Variants in MINDY2 observed in about 807,000 individuals in gnomAD.
The protein encoded by MINDY2 is ubiquitin carboxyl-terminal hydrolase MINDY-2.
Under a neutral mutation model 68.2 loss-of-function variants are expected in MINDY2, and 52 were observed. The observed-to-expected ratio is 0.76, with a 90% CI of 0.61 to 0.96. The LOEUF is 0.96. MINDY2 is among the 40% of genes least tolerant of loss of function. The pLI, the probability that MINDY2 is intolerant of heterozygous loss-of-function variation, is 0.00. For missense variants in MINDY2, 881 were observed against 773.4 expected, an observed-to-expected ratio of 1.14 and a Z score of -1.65; for synonymous variants, 372 against 303.0, an observed-to-expected ratio of 1.23 and a Z score of -2.36.
chr15:58,830,598 T>A (rs2031657102), intron 5 of MINDY2, among the ~76,000 whole-genome samples: 1 of 152,212 alleles, frequency 6.6e-6, no homozygotes, highest in African/African-American at 2.4e-5. Flanking sequence ...GTATAACTCA[T>A]GCCTGAACGA....
At chr15:58,806,152 C>T (rs1402693199) in intron 3 of MINDY2, among the ~76,000 whole-genome samples, 1 of 152,166 alleles carries the variant, frequency 6.6e-6, no homozygotes, top group African/African-American at 2.4e-5. Context: ...CAGCTCAGTA[C>T]AACTTCCGCC....
chr15:58,772,279 G>A, intron 1 of MINDY2, 44 bp downstream of exon 1: 1 of 1,600,488 alleles, frequency 6.2e-7, no homozygotes, highest in Non-Finnish European at 8.5e-7. Context: ...TTGGGGTGGA[G>A]GAAAACGGGG....
intron 5 of MINDY2, among the ~76,000 whole-genome samples, chr15:58,825,380 C>T (rs1204654663): frequency 6.6e-6 from 1 of 152,092 alleles, no homozygotes; most frequent in Non-Finnish European, 1.5e-5. Context: ...GGTGTCGATA[C>T]CTTTTTTATT....
At chr15:58,793,755 C>G (rs1219689524) in intron 2 of MINDY2, among the ~76,000 whole-genome samples, 1 of 152,182 alleles carries the variant, frequency 6.6e-6, no homozygotes, top group African/African-American at 2.4e-5. Context: ...TGCAGCGCGT[C>G]TCTTGAGTGC....
chr15:58,854,342 A>G (rs1435921350), intron 8 of MINDY2, 140 bp from the exon 9 acceptor site: 3 of 789,698 alleles, frequency 3.8e-6, no homozygotes, highest in Admixed American at 3.0e-5. Context: ...ACCATGTAAT[A>G]TAACAAATCT....
At chr15:58,814,574 T>A (rs1262430234) in intron 4 of MINDY2, among the ~76,000 whole-genome samples, 1 of 151,130 alleles carries the variant, frequency 6.6e-6, no homozygotes, top group Non-Finnish European at 1.5e-5. Flanking sequence ...AAATGAGATC[T>A]CGCCATATTG....
At chr15:58,847,175 A>T (rs1452858044) in intron 6 of MINDY2, 122 bp from the exon 7 acceptor site, 1 of 721,164 alleles carries the variant, frequency 1.4e-6, no homozygotes, top group Non-Finnish European at 2.1e-6. Flanking sequence ...TGTTGTACAG[A>T]TCTAAACAGT....
rs747614507 is a variant in MINDY2 at position 58,831,851 on chromosome 15, G to C, written c.1303G>C (p.Val435Leu). 13 of 1,613,528 alleles carry C rather than the reference G, an allele frequency of 8.1e-6. No individual in the cohort carries two copies. The African/African-American group carries it at 1.7e-4, about 22-fold the overall frequency. ...YHGLCELTSTVQEGELCVFFR... is the reference protein window; with the variant it reads ...YHGLCELTSTLQEGELCVFFR... ...TGGATTATGTGAACTAACTTCAACG[G>C]TTCAGGAAGGAGAACTTTGTGTGTT... Residue 435 changes from valine (V) to leucine (L), a missense_variant, in exon 6 of 9, where the codon GTT becomes CTT. Physicochemically the swap from Val to Leu is conservative, Grantham distance 32 (BLOSUM62 1). Transcript: ENST00000559228.
In MINDY2 at chr15:58,855,521, A is replaced by G. The variant is rs2033030344; in HGVS notation, c.*911A>G. 1 of 152,672 alleles carries G rather than the reference A, an allele frequency of 6.5e-6. No individual in the cohort carries two copies. The highest frequency in any genetic ancestry group is 1.5e-5 in the Non-Finnish European group (1 of 68,046). The allele number at this position is 152,672 out of a possible 1,614,324, so 9.5% of individuals were successfully genotyped here. On this transcript the variant is annotated 3_prime_UTR_variant, in exon 9 of 9. Coordinates refer to ENST00000559228, the MANE Select transcript of MINDY2 (RefSeq NM_001040450.3). ...TACCTTGAACCTTAAATTTTAAGTCATGTTCATTGCTAGAAAATTAAATGT... is the reference window on the plus strand; with the variant it reads ...TACCTTGAACCTTAAATTTTAAGTCGTGTTCATTGCTAGAAAATTAAATGT...
chr15:58,823,528 T>A (rs1383827643), intron 5 of MINDY2, among the ~76,000 whole-genome samples: 1 of 151,832 alleles, frequency 6.6e-6, no homozygotes, highest in East Asian at 1.9e-4. Flanking sequence ...AAATAAAAAA[T>A]TAGCCAGGCA....
chr15:58,837,539 C>CA (rs59471550), intron 6 of MINDY2, among the ~76,000 whole-genome samples: 27,859 of 121,380 alleles, frequency 0.23, 3,043 homozygotes, highest in South Asian at 0.37. Context: ...ATGATGGCAC[C>CA]AAAAAAAAAA....
At position 58,859,428 on chromosome 15, in the gene MINDY2, A is replaced by G. The variant is rs2033154250; in HGVS notation, c.*4818A>G. 6.6e-6 allele frequency: 1 copy of G among 152,168 alleles called. No individual in the cohort carries two copies. The highest frequency in any genetic ancestry group is 1.5e-5 in the Non-Finnish European group (1 of 68,008). The allele number at this position is 152,168 out of a possible 1,614,324, so 9.4% of individuals were successfully genotyped here. The stretch of plus-strand genomic sequence containing the variant: ...TGTTTTTAGTGTAAAATGTTATTTG[A>G]TAATGTGAAGTTAAATCCCTTTTAG... On this transcript the variant is annotated 3_prime_UTR_variant, in exon 9 of 9. Coordinates refer to ENST00000559228, the MANE Select transcript of MINDY2 (RefSeq NM_001040450.3).
At chr15:58,806,730 A>G (rs1903036416) in intron 3 of MINDY2, among the ~76,000 whole-genome samples, 1 of 152,196 alleles carries the variant, frequency 6.6e-6, no homozygotes, top group Non-Finnish European at 1.5e-5. Flanking sequence ...TGGTGGTTGT[A>G]AAACTATAAT....
At chr15:58,830,123 A>T (rs1311362377) in intron 5 of MINDY2, among the ~76,000 whole-genome samples, 1 of 152,202 alleles carries the variant, frequency 6.6e-6, no homozygotes, top group Non-Finnish European at 1.5e-5. Context: ...AAAAATATGT[A>T]TACAGTTGAT....
chr15:58,771,781 C>T lies in MINDY2; in HGVS notation c.386C>T (p.Ala129Val). ...CATGAGTTGGGTACCGCCGGAGACG[C>T]GGGAGCCCGCCCGGATCTCGCCGGC... ...VGHELGTAGD[A>V]GARPDLAGTC... The change falls in exon 1 of 9, where the codon GCG becomes GTG. Residue 129 changes from alanine to valine, a missense_variant. Coordinates refer to ENST00000559228, the MANE Select transcript of MINDY2 (RefSeq NM_001040450.3). 1 of 1,610,286 alleles carries T rather than the reference C, an allele frequency of 6.2e-7. No individual in the cohort carries two copies. Among genetic ancestry groups the T allele is most frequent in the Non-Finnish European group, 8.5e-7 (1 of 1,179,022 alleles).
intron 6 of MINDY2, among the ~76,000 whole-genome samples, chr15:58,846,750 AC>A (rs1301547542): frequency 6.6e-6 from 1 of 152,222 alleles, no homozygotes; most frequent in African/African-American, 2.4e-5. Flanking sequence ...ATTTGGTGCT[AC>A]GAAACACGTA....
chr15:58,833,766 AC>A (rs1489159635), intron 6 of MINDY2, among the ~76,000 whole-genome samples: 1 of 151,942 alleles, frequency 6.6e-6, no homozygotes, highest in Non-Finnish European at 1.5e-5. Context: ...CGGGCTTTAC[AC>A]CAAGACATTC....
chr15:58,845,179 G>T (rs550200088), intron 6 of MINDY2, among the ~76,000 whole-genome samples: 54 of 152,192 alleles, frequency 3.5e-4, no homozygotes, highest in Admixed American at 2.7e-3. Context: ...GCCCAGGTGG[G>T]CAGATCACTT....
Position 58,847,333 on chromosome 15 carries a change from C to G in MINDY2, c.1405C>G (p.Leu469Val), listed in dbSNP as rs757223495. 3.8e-6 allele frequency: 6 copies of G among 1,592,320 alleles called. No homozygotes were observed. The African/African-American group carries it at 6.7e-5, about 18-fold the overall frequency. ...LYLLVTDQGFLTEEKVVWESL... is the reference protein window; with the variant it reads ...LYLLVTDQGFVTEEKVVWESL... ...TTTGTTGGTAACGGACCAGGGGTTTCTTACTGAAGAGAAAGTTGTTTGGGA... is the reference window on the plus strand; with the variant it reads ...TTTGTTGGTAACGGACCAGGGGTTTGTTACTGAAGAGAAAGTTGTTTGGGA... Residue 469 changes from leucine (L) to valine (V), a missense_variant, in exon 7 of 9, where the codon CTT (leucine) becomes GTT (valine). Transcript: ENST00000559228.
Sources: gnomAD v4.1 joint callset for allele counts (sites outside exome capture counted in the v4.1 genomes callset) on GRCh38, gnomAD v4.1.1 for gene constraint, MANE v1.5 for transcripts, NCBI Gene and HGNC (gene_info 2026-07-23, HGNC 2026-07-21) for gene names.